UST: variants seen among roughly 807,000 people sequenced by gnomAD.
The protein encoded by UST is chondroitin sulfate 2-O-sulfotransferase.
UST carries 21 observed loss-of-function variants against 45.6 expected under a neutral mutation model. That is an observed-to-expected ratio of 0.46 (90% CI 0.33 to 0.66). UST has a LOEUF of 0.66. Among genes scored for constraint, UST ranks in the 30% least tolerant of loss-of-function variants. The pLI is 0.02. For synonymous variants in UST, 215 were observed against 200.6 expected (o/e 1.07, Z -0.61); for missense variants, 463 against 512.4 (o/e 0.90, Z 0.93).
chr6:148,798,987 G>A (rs763880257), intron 1 of UST, among the ~76,000 whole-genome samples: 1 of 151,930 alleles, frequency 6.6e-6, no homozygotes, highest in Non-Finnish European at 1.5e-5. Flanking sequence ...CTCCTGCGTT[G>A]GCTTCCCAAG....
rs1296920809 is a variant in UST, at chr6:149,054,177, G to T, written c.938-19656G>T. On this transcript the variant is annotated intron_variant, in intron 7 of 7. Coordinates refer to ENST00000367463, the MANE Select transcript of UST (RefSeq NM_005715.3). The stretch of plus-strand genomic sequence containing the variant: ...TGTAAATGTTCAGAAAGGGAGGGGG[G>T]TGCGGTAGAATTAAATCTACCCAAA... 3.3e-5 allele frequency among the ~76,000 whole-genome samples: 5 copies of T among 152,216 alleles called. No homozygotes were observed. In the East Asian group the frequency reaches 9.6e-4, roughly 29 times the overall value.
intron 7 of UST, among the ~76,000 whole-genome samples, chr6:149,039,741 C>G (rs1004002312): frequency 1.6e-4 from 24 of 152,294 alleles, no homozygotes; most frequent in African/African-American, 5.3e-4. Context: ...AACTGAGCAG[C>G]GAGGAAACTG....
At chr6:148,992,699 C>T (rs1582948188) in intron 5 of UST, among the ~76,000 whole-genome samples, 1 of 152,090 alleles carries the variant, frequency 6.6e-6, no homozygotes. Flanking sequence ...TTAAAAATCT[C>T]AGTAGAAAAT....
chr6:148,935,340 C>T (rs1471319435), intron 2 of UST, among the ~76,000 whole-genome samples: 1 of 152,134 alleles, frequency 6.6e-6, no homozygotes, highest in Non-Finnish European at 1.5e-5. Context: ...ACCGCAGTTG[C>T]CAAGAATGAA....
intron 7 of UST, among the ~76,000 whole-genome samples, chr6:149,053,908 T>C (rs1776525722): frequency 6.6e-6 from 1 of 152,224 alleles, no homozygotes; most frequent in Non-Finnish European, 1.5e-5. Flanking sequence ...GCACAAGTAT[T>C]GTCAGGTGGA....
At chr6:148,821,409 C>T (rs953367867) in intron 1 of UST, among the ~76,000 whole-genome samples, 6 of 152,086 alleles carry the variant, frequency 3.9e-5, no homozygotes, top group African/African-American at 1.4e-4. Flanking sequence ...AGAAGGGAGG[C>T]TGAGTTCTCA....
intron 1 of UST, among the ~76,000 whole-genome samples, chr6:148,822,786 C>T (rs961826917): frequency 1.3e-5 from 2 of 152,068 alleles, no homozygotes; most frequent in Non-Finnish European, 2.9e-5. Context: ...GCATTGAAAG[C>T]AAAAATCTTA....
chr6:148,951,357 G>A (rs1236497891), intron 3 of UST, among the ~76,000 whole-genome samples: 1 of 152,142 alleles, frequency 6.6e-6, no homozygotes, highest in Admixed American at 6.5e-5. Context: ...TGGAGTTTGA[G>A]GGCACCATTA....
chr6:149,006,921 G>A (rs1313326086), intron 5 of UST, among the ~76,000 whole-genome samples: 1 of 152,050 alleles, frequency 6.6e-6, no homozygotes, highest in Non-Finnish European at 1.5e-5. Flanking sequence ...GGTATGTTAT[G>A]CTCATTTATT....
chr6:148,777,240 G>A (rs905190046), intron 1 of UST, among the ~76,000 whole-genome samples: 3 of 152,168 alleles, frequency 2.0e-5, no homozygotes, highest in Admixed American at 1.3e-4. Context: ...TTAGACGTTA[G>A]GCCATTAGCT....
chr6:149,053,044 A>G (rs940900134), intron 7 of UST, among the ~76,000 whole-genome samples: 8 of 152,234 alleles, frequency 5.3e-5, no homozygotes, highest in Non-Finnish European at 8.8e-5. Context: ...GCAAGTATCT[A>G]TTGGAGTTTT....
At chr6:148,893,620 T>C (rs1238438539) in intron 2 of UST, among the ~76,000 whole-genome samples, 1 of 152,226 alleles carries the variant, frequency 6.6e-6, no homozygotes, top group Non-Finnish European at 1.5e-5. Context: ...TGTCTTGGGC[T>C]CTGTGCTGGG....
intron 1 of UST, among the ~76,000 whole-genome samples, chr6:148,870,301 C>G (rs1778525537): frequency 6.6e-6 from 1 of 152,168 alleles, no homozygotes; most frequent in South Asian, 2.1e-4. Context: ...GCCCTCCTGA[C>G]CCCTGGGGTT....
At chr6:148,949,816 G>A (rs766044997) in intron 3 of UST, among the ~76,000 whole-genome samples, 10 of 152,062 alleles carry the variant, frequency 6.6e-5, no homozygotes, top group African/African-American at 1.9e-4. Context: ...GCTCAGACTC[G>A]TGCACAAACT....
intron 5 of UST, among the ~76,000 whole-genome samples, chr6:148,974,603 G>A (rs80273216): frequency 5.4e-4 from 82 of 152,290 alleles, no homozygotes; most frequent in African/African-American, 1.9e-3. Context: ...AAATCACACA[G>A]CCTCTAGAAC....
intron 7 of UST, among the ~76,000 whole-genome samples, chr6:149,039,114 T>C (rs987489512): frequency 4.6e-5 from 7 of 152,158 alleles, no homozygotes; most frequent in Admixed American, 2.0e-4. Context: ...CTGTAGACTT[T>C]CCTGTGTTCT....
In UST at chr6:149,015,574, A is replaced by G. The variant is rs147839958; in HGVS notation, c.682-3565A>G. ...CAGGCTGGCTTGGCTAAAGTCATCA[A>G]TGCAGTGACAATCTTAAACAAAAGT... On this transcript the variant is annotated intron_variant, in intron 5 of 7. Coordinates refer to ENST00000367463, the MANE Select transcript of UST (RefSeq NM_005715.3). Among the ~76,000 whole-genome samples the G allele has an allele frequency of 3.2e-3, 490 of 152,352 alleles. 4 individuals are homozygous for G. Among genetic ancestry groups the G allele is most frequent in the African/African-American group, 0.011 (461 of 41,584 alleles).
At chr6:148,981,821 A>G (rs9498185) in intron 5 of UST, among the ~76,000 whole-genome samples, 4,144 of 152,308 alleles carry the variant, frequency 0.027, 167 homozygotes, top group African/African-American at 0.095. Flanking sequence ...GCTGTTGATT[A>G]AGCTGGACAC....
intron 1 of UST, among the ~76,000 whole-genome samples, chr6:148,877,621 G>T (rs1778704936): frequency 1.5e-5 from 2 of 136,442 alleles, no homozygotes; most frequent in South Asian, 5.1e-4. Context: ...GTGTATGAGT[G>T]TGAGGGGTCG....
Sources: allele counts gnomAD v4.1 joint callset (sites outside exome capture counted in the v4.1 genomes callset), GRCh38; gene constraint gnomAD v4.1.1; transcripts MANE v1.5; gene names NCBI Gene and HGNC (gene_info 2026-07-23, HGNC 2026-07-21).